THEM4: variants seen among roughly 807,000 people sequenced by gnomAD.
THEM4 encodes thioesterase superfamily member 4.
Under a neutral mutation model 25.0 loss-of-function variants are expected in THEM4, and 22 were observed. The ratio of observed to expected loss-of-function variants is 0.88; its 90% CI spans 0.63 to 1.26. The LOEUF (loss-of-function observed/expected upper bound fraction) is 1.26, where lower values mean the gene tolerates loss of function less well. Ranked by LOEUF, THEM4 falls within the 50% of genes most tolerant of loss-of-function variation. The pLI is 0.00. For synonymous variants in THEM4, 113 were observed against 105.6 expected (o/e 1.07, Z -0.43); for missense variants, 286 against 300.3 (o/e 0.95, Z 0.35).
Position 151,873,003 on chromosome 1 carries a change from T to A in THEM4, c.*1885A>T, listed in dbSNP as rs760486073. Among the ~76,000 whole-genome samples, 363 of 152,262 alleles carry A rather than the reference T, an allele frequency of 2.4e-3. 1 individual carries two copies. Among genetic ancestry groups the A allele is most frequent in the Non-Finnish European group, 3.6e-3 (242 of 68,024 alleles). ...ATGAGGAAGGCCTCTGTCTCCTGCA[T>A]GCCCCTGGGAACAGCATGTCTTGGT... On this transcript the variant is annotated 3_prime_UTR_variant, in exon 6 of 6. Coordinates refer to ENST00000368814, the MANE Select transcript of THEM4 (RefSeq NM_053055.5).
rs1653586996 is a variant in THEM4, at chr1:151,872,949, G to A, written c.*1939C>T. ...AAAGGGTCTGTGCTGAGGGGGATTA[G>A]TAAAAGAGGAAGGCCTCTTGTGGTT... On this transcript the variant is annotated 3_prime_UTR_variant, in exon 6 of 6. Transcript: ENST00000368814. 6.6e-6 allele frequency among the ~76,000 whole-genome samples: 1 copy of A among 152,134 alleles called. No homozygotes were observed.
intron 1 of THEM4, among the ~76,000 whole-genome samples, chr1:151,907,900 T>C (rs1654507225): frequency 6.6e-6 from 1 of 152,202 alleles, no homozygotes; most frequent in East Asian, 1.9e-4. Context: ...AGCATGTGTG[T>C]GTGGTGTCCA....
chr1:151,882,372 C>CAAAA (rs35928322), intron 4 of THEM4, among the ~76,000 whole-genome samples: 1 of 104,994 alleles, frequency 9.5e-6, no homozygotes, highest in Non-Finnish European at 2.0e-5. Flanking sequence ...GACTCCATCT[C>CAAAA]AAAAAAAAAA....
In THEM4 at chr1:151,878,930, T is replaced by A. The variant is rs1002654849; in HGVS notation, c.558-1805A>T. Among the ~76,000 whole-genome samples, 17 of 38,320 alleles carry A rather than the reference T, an allele frequency of 4.4e-4. 1 individual carries two copies. The East Asian group carries it at 6.2e-3, about 14-fold the overall frequency. 25.1% of individuals were successfully genotyped at this position (38,320 alleles called of 152,430 possible). ...CACACACACACACACACACACACAC[T>A]GGAAAGGCATAACAAAGCCAAAAGA... On this transcript the variant is annotated intron_variant, in intron 4 of 5. Coordinates refer to ENST00000368814, the MANE Select transcript of THEM4 (RefSeq NM_053055.5).
At chr1:151,902,237 C>T (rs550031569) in intron 1 of THEM4, among the ~76,000 whole-genome samples, 11 of 152,312 alleles carry the variant, frequency 7.2e-5, no homozygotes, top group African/African-American at 1.7e-4. Flanking sequence ...AGTCATTATT[C>T]GAAAAAGATA....
chr1:151,885,625 T>C (rs779026034), intron 4 of THEM4, among the ~76,000 whole-genome samples: 2 of 152,274 alleles, frequency 1.3e-5, no homozygotes, highest in Non-Finnish European at 2.9e-5. Context: ...TTTGCCATGT[T>C]GCATGAAGAA....
At chr1:151,884,677 CCTTT>C (rs1323476145) in intron 4 of THEM4, among the ~76,000 whole-genome samples, 3 of 119,528 alleles carry the variant, frequency 2.5e-5, no homozygotes, top group African/African-American at 6.3e-5. Flanking sequence ...ACTTTCATTT[CCTTT>C]TTTTTGTTTT....
intron 1 of THEM4, among the ~76,000 whole-genome samples, chr1:151,908,012 C>T (rs1308079828): frequency 6.6e-6 from 1 of 152,204 alleles, no homozygotes; most frequent in Non-Finnish European, 1.5e-5. Flanking sequence ...GTCTCCCCCT[C>T]CCCATTCCAG....
At chr1:151,903,013 C>T (rs1266032067) in intron 1 of THEM4, among the ~76,000 whole-genome samples, 1 of 152,026 alleles carries the variant, frequency 6.6e-6, no homozygotes, top group Non-Finnish European at 1.5e-5. Context: ...AAAAACTCTA[C>T]AGAATAAAAA....
At chr1:151,908,326 A>G (rs538279916) in intron 1 of THEM4, among the ~76,000 whole-genome samples, 7 of 152,354 alleles carry the variant, frequency 4.6e-5, no homozygotes, top group African/African-American at 1.7e-4. Flanking sequence ...ACTTCGCTGC[A>G]GGCCTCCATC....
At chr1:151,908,491 CA>C (rs1421591750) in intron 1 of THEM4, among the ~76,000 whole-genome samples, 3 of 152,192 alleles carry the variant, frequency 2.0e-5, no homozygotes, top group African/African-American at 7.2e-5. Flanking sequence ...TGCCCTCCAC[CA>C]ACCACCTTGG....
intron 1 of THEM4, among the ~76,000 whole-genome samples, chr1:151,906,683 G>C (rs1654476186): frequency 6.6e-6 from 1 of 152,220 alleles, no homozygotes; most frequent in South Asian, 2.1e-4. Context: ...TCTAGCTCAA[G>C]GTTTATAAAC....
Position 151,898,739 on chromosome 1 carries a change from T to C in THEM4, c.100-3545A>G, listed in dbSNP as rs184129339. On this transcript the variant is annotated intron_variant, in intron 1 of 5. Transcript: ENST00000368814. ...CTGGTATTCATGGCTGGGAGACCCA[T>C]AGACAGCTCACATCACAGGACTCTG... Among the ~76,000 whole-genome samples the C allele has an allele frequency of 3.0e-4, 46 of 152,290 alleles. No homozygotes were observed. The East Asian group carries it at 8.7e-3, about 29-fold the overall frequency.
In THEM4 at chr1:151,908,201, T is replaced by C. The variant is rs969769049; in HGVS notation, c.99+1159A>G. On this transcript the variant is annotated intron_variant, in intron 1 of 5. Transcript: ENST00000368814. ...AGACGTTTTGCTCTTTTGGGAATGA[T>C]GAGGATTACCGTTTATATTTTCTGT... Among the ~76,000 whole-genome samples, 15 of 152,232 alleles carry C rather than the reference T, an allele frequency of 9.9e-5. 1 individual carries two copies. Among genetic ancestry groups the C allele is most frequent in the Admixed American group, 8.5e-4 (13 of 15,292 alleles).
intron 1 of THEM4, among the ~76,000 whole-genome samples, chr1:151,899,068 A>G (rs1385437553): frequency 6.6e-6 from 1 of 152,252 alleles, no homozygotes; most frequent in African/African-American, 2.4e-5. Flanking sequence ...GTTCACCAGC[A>G]ATGGATTCAA....
intron 2 of THEM4, among the ~76,000 whole-genome samples, chr1:151,892,683 A>G (rs1654120509): frequency 6.6e-6 from 1 of 152,230 alleles, no homozygotes; most frequent in Admixed American, 6.5e-5. Flanking sequence ...TGAGGCACAG[A>G]AAGGTAAAGT....
At chr1:151,899,673 C>T (rs1033415696) in intron 1 of THEM4, among the ~76,000 whole-genome samples, 18 of 152,184 alleles carry the variant, frequency 1.2e-4, no homozygotes, top group Middle Eastern at 3.4e-3. Flanking sequence ...ACTACCAAAC[C>T]TAAGAATAAT....
At chr1:151,879,148 C>T (rs1165608680) in intron 4 of THEM4, among the ~76,000 whole-genome samples, 1 of 151,876 alleles carries the variant, frequency 6.6e-6, no homozygotes, top group Non-Finnish European at 1.5e-5. Context: ...AAAAAAATTT[C>T]AAAAATTTAT....
chr1:151,875,689 A>C (rs1211525236), intron 5 of THEM4, among the ~76,000 whole-genome samples: 1 of 152,228 alleles, frequency 6.6e-6, no homozygotes, highest in Non-Finnish European at 1.5e-5. Context: ...ACAGGTAATC[A>C]GAGAAATGCA....
Sources: allele counts gnomAD v4.1 joint callset (sites outside exome capture counted in the v4.1 genomes callset), GRCh38; gene constraint gnomAD v4.1.1; transcripts MANE v1.5; gene names NCBI Gene and HGNC (gene_info 2026-07-23, HGNC 2026-07-21).